Variants in FHIT observed in about 807,000 individuals in gnomAD.
FHIT encodes bis(5'-adenosyl)-triphosphatase.
Under a neutral mutation model 17.9 loss-of-function variants are expected in FHIT, and 19 were observed. The observed-to-expected ratio is 1.06, with a 90% CI of 0.74 to 1.56. The LOEUF (loss-of-function observed/expected upper bound fraction) is 1.56. Among genes scored for constraint, FHIT ranks in the 40% most tolerant of loss-of-function variants. The pLI is 0.00. For synonymous variants in FHIT, 81 were observed against 69.7 expected (o/e 1.16, Z -0.81); for missense variants, 248 against 189.2 (o/e 1.31, Z -1.82).
At chr3:59,771,210 G>C (rs367589683) in intron 8 of FHIT, among the ~76,000 whole-genome samples, 3 of 152,014 alleles carry the variant, frequency 2.0e-5, no homozygotes, top group Non-Finnish European at 4.4e-5. Flanking sequence ...TCAATGAATC[G>C]AATTGCAGAA....
intron 1 of FHIT, among the ~76,000 whole-genome samples, chr3:61,202,088 A>G (rs973802039): frequency 2.6e-5 from 4 of 151,922 alleles, no homozygotes; most frequent in African/African-American, 4.8e-5. Context: ...ACACACACAC[A>G]CACGCACATA....
chr3:60,523,700 T>G (rs1351400968), intron 5 of FHIT, among the ~76,000 whole-genome samples: 1 of 152,232 alleles, frequency 6.6e-6, no homozygotes, highest in Non-Finnish European at 1.5e-5. Flanking sequence ...CAAACCCTTC[T>G]GTTAGATTTC....
At chr3:60,534,904 G>C (rs2035926193) in intron 5 of FHIT, among the ~76,000 whole-genome samples, 1 of 152,114 alleles carries the variant, frequency 6.6e-6, no homozygotes, top group African/African-American at 2.4e-5. Context: ...TCAAACTCAG[G>C]TATGCCCTGG....
At chr3:61,065,115 A>G (rs1436076452) in intron 2 of FHIT, among the ~76,000 whole-genome samples, 6 of 152,194 alleles carry the variant, frequency 3.9e-5, no homozygotes, top group African/African-American at 1.2e-4. Context: ...AAAAAGACAC[A>G]TGAAGATTCC....
chr3:60,205,633 G>A (rs1650906575), intron 5 of FHIT, among the ~76,000 whole-genome samples: 1 of 152,088 alleles, frequency 6.6e-6, no homozygotes, highest in Non-Finnish European at 1.5e-5. Flanking sequence ...GGATGAGGTG[G>A]GTCATGTGTA....
At position 59,976,984 on chromosome 3, in the gene FHIT, T is replaced by G. The variant is rs1708442343; in HGVS notation, c.279+34387A>C. Reference sequence around the variant, plus strand: ...ATTGAGATGCTGCACACCACCTGGTTGGGGTTGGGGTCTCTGGGTGGGTGG... The same window carrying G: ...ATTGAGATGCTGCACACCACCTGGTGGGGGTTGGGGTCTCTGGGTGGGTGG... On this transcript the variant is annotated intron_variant, in intron 7 of 9. Transcript: ENST00000492590. Among the ~76,000 whole-genome samples, 3 of 152,130 alleles carry G rather than the reference T, an allele frequency of 2.0e-5. No individual in the cohort carries two copies. In the South Asian group the frequency reaches 6.2e-4, roughly 32 times the overall value.
intron 8 of FHIT, among the ~76,000 whole-genome samples, chr3:59,879,215 A>G: frequency 6.9e-6 from 1 of 145,740 alleles, no homozygotes; most frequent in Non-Finnish European, 1.6e-5. Flanking sequence ...TCTTGTGCAA[A>G]CTTATACTTG....
chr3:60,206,149 A>AATAATAATAAT (rs1553712155), intron 5 of FHIT, among the ~76,000 whole-genome samples: 169 of 94,104 alleles, frequency 1.8e-3, no homozygotes, highest in Non-Finnish European at 2.7e-3. Context: ...AAAAAAAAAT[A>AATAATAATAAT]AATAATAATA....
intron 4 of FHIT, among the ~76,000 whole-genome samples, chr3:60,541,485 A>G (rs1044857818): frequency 2.0e-5 from 3 of 152,074 alleles, no homozygotes; most frequent in African/African-American, 4.8e-5. Context: ...CATATTCTAC[A>G]TGTGGGGCTA....
intron 2 of FHIT, among the ~76,000 whole-genome samples, chr3:61,055,066 A>AACCACAGTTGTTGTTAGTATCTTT (rs1559945546): frequency 2.0e-5 from 3 of 151,358 alleles, no homozygotes; most frequent in Admixed American, 1.3e-4. Flanking sequence ...TTGTTGCACT[A>AACCACAGTTGTTGTTAGTATCTTT]ACCACAGTTG....
At chr3:61,139,399 T>C (rs1222472121) in intron 2 of FHIT, among the ~76,000 whole-genome samples, 1 of 152,198 alleles carries the variant, frequency 6.6e-6, no homozygotes, top group African/African-American at 2.4e-5. Context: ...TCAAAATTCA[T>C]ATGCAGAAAT....
chr3:60,220,079 C>T (rs568434641), intron 5 of FHIT, among the ~76,000 whole-genome samples: 9 of 152,200 alleles, frequency 5.9e-5, no homozygotes, highest in South Asian at 2.1e-4. Context: ...AGAGGCTAAA[C>T]ATGAATTTTA....
Position 59,850,041 on chromosome 3 carries a change from G to C in FHIT, c.348+72305C>G, listed in dbSNP as rs183220125. The stretch of plus-strand genomic sequence containing the variant: ...AGGTATATTTTTTCCAATGTGTTTT[G>C]AAATGATCTGCTAGGACCAAATGCT... On this transcript the variant is annotated intron_variant, in intron 8 of 9. Transcript: ENST00000492590. Among the ~76,000 whole-genome samples the C allele has an allele frequency of 2.3e-3, 347 of 152,166 alleles. 2 individuals carry two copies. Among genetic ancestry groups the C allele is most frequent in the Middle Eastern group, 0.014 (4 of 294 alleles).
At chr3:60,762,465 G>A (rs541232777) in intron 4 of FHIT, among the ~76,000 whole-genome samples, 1 of 152,250 alleles carries the variant, frequency 6.6e-6, no homozygotes, top group East Asian at 1.9e-4. Context: ...TAGCCTATGA[G>A]GACAAAAGTC....
intron 5 of FHIT, among the ~76,000 whole-genome samples, chr3:60,123,985 TA>T (rs1559653364): frequency 1.5e-4 from 7 of 47,464 alleles, no homozygotes; most frequent in Admixed American, 2.6e-4. Context: ...TATATATATA[TA>T]TATATATATA....
At chr3:59,982,893 T>C (rs908896533) in intron 7 of FHIT, among the ~76,000 whole-genome samples, 13 of 152,256 alleles carry the variant, frequency 8.5e-5, no homozygotes, top group African/African-American at 3.1e-4. Flanking sequence ...ATTTGTAAAT[T>C]AGAGATTCTA....
chr3:60,594,883 G>C (rs1368152034), intron 4 of FHIT, among the ~76,000 whole-genome samples: 1 of 152,070 alleles, frequency 6.6e-6, no homozygotes, highest in Non-Finnish European at 1.5e-5. Flanking sequence ...TCCAAGGGCT[G>C]TGTTTCTGTA....
At chr3:60,094,001 G>A (rs1394914014) in intron 5 of FHIT, among the ~76,000 whole-genome samples, 1 of 152,070 alleles carries the variant, frequency 6.6e-6, no homozygotes, top group Non-Finnish European at 1.5e-5. Flanking sequence ...TAAGGTGTGA[G>A]AATCCTATCT....
At chr3:60,106,946 C>A (rs150353924) in intron 5 of FHIT, among the ~76,000 whole-genome samples, 1 of 151,754 alleles carries the variant, frequency 6.6e-6, no homozygotes, top group Non-Finnish European at 1.5e-5. Context: ...TTTAAGGAAA[C>A]GAAACTTTTT....
Sources: gnomAD v4.1 joint callset for allele counts (sites outside exome capture counted in the v4.1 genomes callset) on GRCh38, gnomAD v4.1.1 for gene constraint, MANE v1.5 for transcripts, NCBI Gene and HGNC (gene_info 2026-07-23, HGNC 2026-07-21) for gene names.